FMN1: variants seen among roughly 807,000 people sequenced by gnomAD.
FMN1 encodes the protein formin-1.
A neutral mutation model predicts 132.4 loss-of-function variants in FMN1; 110 were observed. The ratio of observed to expected loss-of-function variants is 0.83; its 90% CI spans 0.71 to 0.97. FMN1 has a LOEUF of 0.97. FMN1 is among the 50% of genes least tolerant of loss of function. The probability of loss-of-function intolerance (pLI) is 0.00; values close to 1 mark genes in which losing one functional copy is unlikely to be tolerated. For missense variants in FMN1, 1,792 were observed against 1,705.3 expected (o/e 1.05, Z -0.90); for synonymous variants, 722 against 651.7 (o/e 1.11, Z -1.64).
chr15:32,994,864 A>C (rs1389428835), intron 7 of FMN1, among the ~76,000 whole-genome samples: 1 of 152,206 alleles, frequency 6.6e-6, no homozygotes, highest in Middle Eastern at 3.2e-3. Flanking sequence ...AGCACTGCCT[A>C]TGAGTATGGA....
chr15:32,870,463 T>A (rs1054463878), intron 16 of FMN1, among the ~76,000 whole-genome samples: 5 of 152,136 alleles, frequency 3.3e-5, no homozygotes, highest in East Asian at 3.9e-4. Context: ...GTATTCTCCA[T>A]GAAAAAATTT....
In FMN1 at chr15:33,153,466, T is replaced by A; in HGVS notation, c.1449A>T (p.Ser483=). 1.3e-6 allele frequency: 2 copies of A among 1,536,716 alleles called. No individual in the cohort carries two copies. The highest frequency in any genetic ancestry group is 1.7e-6 in the Non-Finnish European group (2 of 1,147,002). The change falls in exon 4 of 21, where the codon TCA becomes TCT. Residue 483 remains serine (S), a synonymous_variant. Transcript: ENST00000616417. The stretch of plus-strand genomic sequence containing the variant: ...GCTTCTTCTTATCACCTCTGGGTTG[T>A]GAGGAGTCAGGACCTACTTTGTGGG... ...DLPHKVGPDS[S]QPRGDKKKPS...
At chr15:33,089,064 C>T (rs1034003590) in intron 4 of FMN1, 90 bp from the exon 5 acceptor site, 5 of 1,015,960 alleles carry the variant, frequency 4.9e-6, no homozygotes, top group Non-Finnish European at 6.9e-6. Flanking sequence ...ACATAGACTT[C>T]TCTATGCTAG....
chr15:33,087,305 G>A (rs1379911952), intron 5 of FMN1, among the ~76,000 whole-genome samples: 1 of 152,166 alleles, frequency 6.6e-6, no homozygotes, highest in Non-Finnish European at 1.5e-5. Flanking sequence ...CAGCACTTTG[G>A]GAGGCTGAGG....
At chr15:33,126,246 A>C (rs1286723327) in intron 4 of FMN1, among the ~76,000 whole-genome samples, 6 of 152,204 alleles carry the variant, frequency 3.9e-5, no homozygotes. Context: ...TCAGAGAAGG[A>C]AGATGGGTGG....
At chr15:33,045,226 G>C (rs913283865) in intron 6 of FMN1, among the ~76,000 whole-genome samples, 1 of 152,192 alleles carries the variant, frequency 6.6e-6, no homozygotes, top group Non-Finnish European at 1.5e-5. Flanking sequence ...TGCCCATCCC[G>C]CTGCAGCCAG....
rs547763402 is a variant in FMN1, at chr15:32,893,075, T to C, written c.3715-4783A>G. ...TCTAATTTATCACTATGTTTTCTTG[T>C]AGTTTCAGGAATCCTCTTGACCCTT... On this transcript the variant is annotated intron_variant, in intron 15 of 20. Transcript: ENST00000616417. Among the ~76,000 whole-genome samples the C allele has an allele frequency of 2.0e-5, 3 of 152,374 alleles. No homozygotes were observed. The East Asian group carries it at 5.8e-4, about 29-fold the overall frequency.
At position 32,969,247 on chromosome 15, in the gene FMN1, A is replaced by G. The variant is rs749512901; in HGVS notation, c.2454T>C (p.Ser818=). ...GATTACTTCTGGTTGTCTTGCTTTC[A>G]CTTTCACAGGGCTTGAGGAAGGTCT... ...DRETFLKPCE[S]ESKTTRSNQL... Residue 818 remains serine, a synonymous_variant, in exon 8 of 21, where the codon AGT becomes AGC. Coordinates refer to ENST00000616417, the MANE Select transcript of FMN1 (RefSeq NM_001277313.2). 17 of 1,613,768 alleles carry G rather than the reference A, an allele frequency of 1.1e-5. No homozygotes were observed. Among genetic ancestry groups the G allele is most frequent in the Non-Finnish European group, 1.3e-5 (15 of 1,179,856 alleles).
chr15:32,933,606 T>C (rs2061178741), intron 9 of FMN1, among the ~76,000 whole-genome samples: 1 of 152,200 alleles, frequency 6.6e-6, no homozygotes, highest in Non-Finnish European at 1.5e-5. Context: ...TATTTCTCCC[T>C]TTAGTTCTGT....
chr15:32,848,983 T>TTTTG (rs1555472068), intron 17 of FMN1, among the ~76,000 whole-genome samples: 5 of 117,310 alleles, frequency 4.3e-5, no homozygotes, highest in East Asian at 4.3e-4. Context: ...TTTTGTTTTT[T>TTTTG]TTTTTTTTTT....
intron 2 of FMN1, among the ~76,000 whole-genome samples, chr15:33,184,360 T>C (rs536545895): frequency 6.6e-6 from 1 of 152,326 alleles, no homozygotes; most frequent in East Asian, 1.9e-4. Context: ...TATGGCAAGA[T>C]ATAGTTAATT....
intron 2 of FMN1, among the ~76,000 whole-genome samples, chr15:33,184,863 C>G (rs1446101518): frequency 6.6e-6 from 1 of 152,064 alleles, no homozygotes; most frequent in African/African-American, 2.4e-5. Context: ...ACTTGAGAAT[C>G]CAGTTTACAA....
At chr15:32,868,566 CTGTA>C (rs914093279) in intron 16 of FMN1, among the ~76,000 whole-genome samples, 2 of 152,186 alleles carry the variant, frequency 1.3e-5, no homozygotes, top group Non-Finnish European at 2.9e-5. Flanking sequence ...TGACACATGA[CTGTA>C]TGTATGTATA....
At chr15:33,112,289 TAAAAC>T (rs2039738269) in intron 4 of FMN1, among the ~76,000 whole-genome samples, 1 of 31,244 alleles carries the variant, frequency 3.2e-5, no homozygotes, top group African/African-American at 1.3e-4. Context: ...TGGCAGTGCA[TAAAAC>T]AAAATATTTT....
intron 17 of FMN1, among the ~76,000 whole-genome samples, chr15:32,839,149 C>G (rs1021563858): frequency 2.0e-5 from 3 of 152,154 alleles, no homozygotes; most frequent in African/African-American, 7.2e-5. Flanking sequence ...CAAGGACCAG[C>G]AAGCCAAGCA....
chr15:33,180,108 G>C (rs1275289404), intron 3 of FMN1, 90 bp downstream of exon 3: 1 of 152,314 alleles, frequency 6.6e-6, no homozygotes, highest in Non-Finnish European at 1.5e-5. Flanking sequence ...TCAGAACCCT[G>C]TGGGTGAAAA....
intron 7 of FMN1, among the ~76,000 whole-genome samples, chr15:33,006,290 A>G (rs2034410909): frequency 6.6e-6 from 1 of 152,216 alleles, no homozygotes; most frequent in African/African-American, 2.4e-5. Context: ...TATGAAAAAA[A>G]TGCTCCAACA....
intron 5 of FMN1, among the ~76,000 whole-genome samples, chr15:33,065,440 T>C (rs2037681087): frequency 6.6e-6 from 1 of 152,200 alleles, no homozygotes; most frequent in Non-Finnish European, 1.5e-5. Context: ...TACCAATGTA[T>C]CCCGGGACTC....
chr15:32,955,410 G>T (rs1015766332), intron 9 of FMN1, among the ~76,000 whole-genome samples: 1 of 152,120 alleles, frequency 6.6e-6, no homozygotes, highest in Non-Finnish European at 1.5e-5. Flanking sequence ...ACTTGCAACC[G>T]AAGTATACAT....
Sources: gnomAD v4.1 joint callset for allele counts (sites outside exome capture counted in the v4.1 genomes callset) on GRCh38, gnomAD v4.1.1 for gene constraint, MANE v1.5 for transcripts, NCBI Gene and HGNC (gene_info 2026-07-23, HGNC 2026-07-21) for gene names.